SNTG2: variants seen among roughly 807,000 people sequenced by gnomAD.
SNTG2 encodes the protein gamma-2-syntrophin.
A neutral mutation model predicts 70.9 loss-of-function variants in SNTG2; 74 were observed. The ratio of observed to expected loss-of-function variants is 1.04; its 90% confidence interval spans 0.86 to 1.27. SNTG2 has a LOEUF of 1.27. SNTG2 is among the 50% of genes most tolerant of loss of function. SNTG2 has a pLI of 0.00. For synonymous variants in SNTG2, 278 were observed against 273.8 expected, an observed-to-expected ratio of 1.02 and a Z score of -0.15; for missense variants, 717 against 690.7, an observed-to-expected ratio of 1.04 and a Z score of -0.43.
Position 1,259,396 on chromosome 2 carries a change from A to G in SNTG2, c.1032A>G (p.Ala344=). The G allele has an allele frequency of 6.2e-7, 1 of 1,614,068 alleles. No individual in the cohort carries two copies. Residue 344 remains alanine (A), a synonymous_variant, in exon 13 of 17, where the codon GCA becomes GCG. Coordinates refer to ENST00000308624, the MANE Select transcript of SNTG2 (RefSeq NM_018968.4). ...PPVSTFDWVR[A]ERTYHLCEVL... is the part of the protein sequence containing the mutation. ...TGAGCACATTCGATTGGGTGCGAGC[A>G]GAAAGGACCTATCACCTCTGTGAGG...
intron 16 of SNTG2, among the ~76,000 whole-genome samples, chr2:1,328,490 G>T (rs1174944609): frequency 2.0e-5 from 3 of 152,152 alleles, no homozygotes; most frequent in African/African-American, 7.2e-5. Context: ...ACCAATTCTG[G>T]TTTCCTCAAG....
chr2:1,002,916 A>G (rs1659450872), intron 1 of SNTG2, among the ~76,000 whole-genome samples: 1 of 151,880 alleles, frequency 6.6e-6, no homozygotes, highest in African/African-American at 2.4e-5. Context: ...ATAGTCACCC[A>G]TAAAAAAGAA....
chr2:1,236,316 T>C (rs1676653744), intron 9 of SNTG2, among the ~76,000 whole-genome samples: 1 of 152,218 alleles, frequency 6.6e-6, no homozygotes, highest in Non-Finnish European at 1.5e-5. Flanking sequence ...ATTAATTTAT[T>C]ATAGCAGACA....
chr2:1,194,863 G>A (rs1383169366), intron 8 of SNTG2, among the ~76,000 whole-genome samples: 8 of 152,110 alleles, frequency 5.3e-5, no homozygotes, highest in Non-Finnish European at 1.2e-4. Flanking sequence ...TTCTCCTAAT[G>A]CTATCCCTCC....
chr2:1,320,567 A>G (rs528275025), intron 16 of SNTG2, among the ~76,000 whole-genome samples: 5 of 151,970 alleles, frequency 3.3e-5, no homozygotes, highest in African/African-American at 1.2e-4. Context: ...GAAAAAAAGA[A>G]AAGAAAGAAA....
At chr2:1,321,874 CTCCT>C (rs913501618) in intron 16 of SNTG2, among the ~76,000 whole-genome samples, 17 of 110,708 alleles carry the variant, frequency 1.5e-4, no homozygotes, top group African/African-American at 4.7e-4. Flanking sequence ...TTCTTCCTCC[CTCCT>C]TCCTTCCTTC....
chr2:1,022,240 C>T (rs1660221544), intron 1 of SNTG2, among the ~76,000 whole-genome samples: 1 of 152,018 alleles, frequency 6.6e-6, no homozygotes, highest in Non-Finnish European at 1.5e-5. Flanking sequence ...TCCTGTGAGT[C>T]CCTGCGTTCC....
chr2:1,158,186 T>C (rs1188927665), intron 6 of SNTG2: 1 of 152,220 alleles, frequency 6.6e-6, no homozygotes, highest in Non-Finnish European at 1.5e-5. Flanking sequence ...TAAAATATAA[T>C]AAAAGTATCC....
At chr2:1,137,979 A>G (rs1405398809) in intron 6 of SNTG2, among the ~76,000 whole-genome samples, 170 bp downstream of exon 6, 1 of 152,222 alleles carries the variant, frequency 6.6e-6, no homozygotes, top group African/African-American at 2.4e-5. Flanking sequence ...TAAACTGCCC[A>G]CTGTCGACTG....
At chr2:1,222,504 G>A (rs1675346315) in intron 9 of SNTG2, among the ~76,000 whole-genome samples, 1 of 140,554 alleles carries the variant, frequency 7.1e-6, no homozygotes, top group Non-Finnish European at 1.5e-5. Flanking sequence ...CAGTGATGGA[G>A]GGCGTCTCCC....
In SNTG2 at chr2:1,287,254, A is replaced by G. The variant is rs117513527; in HGVS notation, c.1284+19683A>G. Among the ~76,000 whole-genome samples, 462 of 152,358 alleles carry G rather than the reference A, an allele frequency of 3.0e-3. 12 individuals are homozygous for G. The East Asian group carries it at 0.074, about 24-fold the overall frequency. ...TAAAAATTGTGAAAACTTTTGAACA[A>G]TTTAATTTCTTTAGAGAAAAGCTGA... On this transcript the variant is annotated intron_variant, in intron 14 of 16. Coordinates refer to ENST00000308624, the MANE Select transcript of SNTG2 (RefSeq NM_018968.4).
At chr2:1,182,732 A>C (rs966601669) in intron 8 of SNTG2, among the ~76,000 whole-genome samples, 4 of 152,058 alleles carry the variant, frequency 2.6e-5, no homozygotes, top group African/African-American at 9.7e-5. Context: ...TATTCCCCCC[A>C]AAAATAATCA....
chr2:1,236,733 A>G (rs1558578214), intron 9 of SNTG2, among the ~76,000 whole-genome samples: 1 of 152,150 alleles, frequency 6.6e-6, no homozygotes, highest in Admixed American at 6.5e-5. Context: ...GTGTTATACC[A>G]TCTCTGTTTC....
At chr2:1,309,937 G>C (rs1432588376) in intron 15 of SNTG2, among the ~76,000 whole-genome samples, 1 of 152,182 alleles carries the variant, frequency 6.6e-6, no homozygotes, top group Non-Finnish European at 1.5e-5. Context: ...TAGGTGACTT[G>C]CTCTTAATAT....
intron 9 of SNTG2, among the ~76,000 whole-genome samples, chr2:1,235,899 G>A (rs1188408979): frequency 6.6e-6 from 1 of 152,222 alleles, no homozygotes; most frequent in Non-Finnish European, 1.5e-5. Context: ...TTGGCCAAGA[G>A]TATGGAATAC....
chr2:1,293,508 T>C, intron 14 of SNTG2, among the ~76,000 whole-genome samples: 1 of 152,262 alleles, frequency 6.6e-6, no homozygotes, highest in Non-Finnish European at 1.5e-5. Flanking sequence ...TAAGTTTCCC[T>C]TTTGGCCCTA....
chr2:953,647 C>A (rs985520957), intron 1 of SNTG2, among the ~76,000 whole-genome samples: 2 of 152,214 alleles, frequency 1.3e-5, no homozygotes, highest in African/African-American at 4.8e-5. Context: ...ACGTCTATGA[C>A]ATCATAAGCA....
intron 1 of SNTG2, among the ~76,000 whole-genome samples, chr2:1,067,931 C>T (rs779993995): frequency 2.5e-4 from 38 of 152,216 alleles, no homozygotes; most frequent in Non-Finnish European, 2.4e-4. Flanking sequence ...CTTGGACTCC[C>T]GGACCTCGGG....
chr2:1,310,899 C>T (rs1348410385), intron 15 of SNTG2, among the ~76,000 whole-genome samples: 1 of 152,188 alleles, frequency 6.6e-6, no homozygotes, highest in Non-Finnish European at 1.5e-5. Context: ...TAGGGTAAAG[C>T]AGCAGTGTTT....
Sources: allele counts gnomAD v4.1 joint callset (sites outside exome capture counted in the v4.1 genomes callset), GRCh38; gene constraint gnomAD v4.1.1; transcripts MANE v1.5; gene names NCBI Gene and HGNC (gene_info 2026-07-23, HGNC 2026-07-21).